ECD: variants seen among roughly 807,000 people sequenced by gnomAD.
The protein encoded by ECD is ecdysoneless cell cycle regulator, also known as protein ecdysoneless homolog.
Under a neutral mutation model 77.2 loss-of-function variants are expected in ECD, and 59 were observed. The observed-to-expected ratio is 0.76, with a 90% confidence interval of 0.62 to 0.95. The LOEUF (loss-of-function observed/expected upper bound fraction) is 0.95. Among genes scored for constraint, ECD ranks in the 40% least tolerant of loss-of-function variants. The pLI, the probability that ECD is intolerant of heterozygous loss-of-function variation, is 0.00. For synonymous variants in ECD, 233 were observed against 267.4 expected, an observed-to-expected ratio of 0.87 and a Z score of 1.26; for missense variants, 704 against 763.4, an observed-to-expected ratio of 0.92 and a Z score of 0.92.
chr10:73,138,114 A>G, intron 11 of ECD, 44 bp from the exon 12 acceptor site: 1 of 1,405,076 alleles, frequency 7.1e-7, no homozygotes, highest in South Asian at 1.6e-5. Context: ...TTCTAAATAC[A>G]ACTCTTTGAA....
chr10:73,152,353 T>A lies in ECD; in HGVS notation c.852A>T (p.Gly284=), dbSNP rs1232053856. The change falls in exon 7 of 14, where the codon GGA becomes GGT. Residue 284 remains glycine, a synonymous_variant. Coordinates refer to ENST00000372979, the MANE Select transcript of ECD (RefSeq NM_007265.3). ...QQRFVPDRRS[G]YRLPPPSDPQ... ...GATCAGATGGAGGAGGCAGCCTGTATCCACTCCGCCGGTCTGGCACAAACC... is the reference window on the plus strand; with the variant it reads ...GATCAGATGGAGGAGGCAGCCTGTAACCACTCCGCCGGTCTGGCACAAACC... 3.1e-6 allele frequency: 5 copies of A among 1,613,988 alleles called. No homozygotes were observed. The highest frequency in any genetic ancestry group is 4.2e-6 in the Non-Finnish European group (5 of 1,179,896).
intron 1 of ECD, among the ~76,000 whole-genome samples, chr10:73,164,483 T>C (rs1473657134): frequency 6.6e-6 from 1 of 152,210 alleles, no homozygotes; most frequent in Non-Finnish European, 1.5e-5. Flanking sequence ...ATTTATTTAT[T>C]TGAGATGGAG....
rs937442914 is a variant in ECD, at chr10:73,136,982, A to T, written c.1490-64T>A. On this transcript the variant is annotated intron_variant, in intron 12 of 13. Transcript: ENST00000372979. The stretch of plus-strand genomic sequence containing the variant: ...TATTATTATTATTATTATTATTATT[A>T]TTATTTAGTTACTACACATCTCAAA... 1.1e-3 allele frequency: 694 copies of T among 648,734 alleles called. 10 individuals are homozygous for T. The highest frequency in any genetic ancestry group is 1.3e-3 in the Non-Finnish European group (652 of 521,022). 40.2% of individuals were successfully genotyped at this position (648,734 alleles called of 1,614,324 possible).
At chr10:73,137,580 C>A (rs1425486032) in intron 12 of ECD, among the ~76,000 whole-genome samples, 1 of 152,048 alleles carries the variant, frequency 6.6e-6, no homozygotes, top group African/African-American at 2.4e-5. Context: ...TCGAGACCAT[C>A]CTGGCTAACA....
chr10:73,139,760 G>A (rs1196491888), intron 9 of ECD, 23 bp from the exon 10 acceptor site: 3 of 1,471,302 alleles, frequency 2.0e-6, no homozygotes, highest in South Asian at 1.2e-5. Flanking sequence ...AAAAACATGA[G>A]TATTTCTTCA....
At chr10:73,164,525 C>T (rs959147652) in intron 1 of ECD, among the ~76,000 whole-genome samples, 4 of 151,846 alleles carry the variant, frequency 2.6e-5, no homozygotes, top group Non-Finnish European at 1.5e-5. Flanking sequence ...TGGAGTGCAG[C>T]GGCATGATCA....
intron 9 of ECD, among the ~76,000 whole-genome samples, chr10:73,144,686 TTACTC>T (rs1386050967): frequency 2.0e-5 from 3 of 152,102 alleles, no homozygotes; most frequent in African/African-American, 4.8e-5. Context: ...TACTTTCACT[TTACTC>T]TATGGACTTG....
At chr10:73,155,217 C>T (rs1843279931) in intron 5 of ECD, among the ~76,000 whole-genome samples, 1 of 151,896 alleles carries the variant, frequency 6.6e-6, no homozygotes. Flanking sequence ...CAGGGGCCTG[C>T]CACCACGCCC....
At chr10:73,165,246 T>G (rs1046053517) in intron 1 of ECD, among the ~76,000 whole-genome samples, 1 of 152,234 alleles carries the variant, frequency 6.6e-6, no homozygotes, top group Admixed American at 6.5e-5. Context: ...AATTCAGAAC[T>G]ACAAAACATT....
chr10:73,154,307 T>G lies in ECD; in HGVS notation c.732A>C (p.Arg244=). The G allele has an allele frequency of 1.2e-6, 2 of 1,613,522 alleles. No individual in the cohort carries two copies. The highest frequency in any genetic ancestry group is 1.7e-6 in the Non-Finnish European group (2 of 1,179,806). ...AGAATGTCTTGAAAACACGACAAGC[T>G]CGCAGGTCAATAGGGTCTCGTAGGT... ...AFYLRDPIDL[R]ACRVFKTFLP... is the part of the protein sequence containing the mutation. Residue 244 remains arginine, a synonymous_variant, in exon 6 of 14, where the codon CGA becomes CGC. Transcript: ENST00000372979.
At chr10:73,156,922 A>C (rs984878741) in intron 3 of ECD, among the ~76,000 whole-genome samples, 1 of 152,232 alleles carries the variant, frequency 6.6e-6, no homozygotes, top group African/African-American at 2.4e-5. Context: ...AAATATGAAA[A>C]TATACGAAAG....
At chr10:73,157,457 G>A (rs1047910657) in intron 3 of ECD, among the ~76,000 whole-genome samples, 1 of 151,290 alleles carries the variant, frequency 6.6e-6, no homozygotes, top group African/African-American at 2.4e-5. Flanking sequence ...AGTGGCTCAC[G>A]CCTGTAATCC....
chr10:73,141,960 T>C (rs1326645497), intron 9 of ECD, among the ~76,000 whole-genome samples: 1 of 152,162 alleles, frequency 6.6e-6, no homozygotes, highest in Non-Finnish European at 1.5e-5. Flanking sequence ...ATAGTTTCTT[T>C]TTTTTCTTTT....
chr10:73,152,461 A>C, intron 6 of ECD, 40 bp from the exon 7 acceptor site: 2 of 1,594,234 alleles, frequency 1.3e-6, no homozygotes, highest in Non-Finnish European at 8.6e-7. Context: ...CTTTTCCTGA[A>C]ATTAAGATTG....
At chr10:73,153,659 G>A (rs1843247670) in intron 6 of ECD, among the ~76,000 whole-genome samples, 1 of 145,588 alleles carries the variant, frequency 6.9e-6, no homozygotes, top group Non-Finnish European at 1.5e-5. Context: ...CCAGGAAGCA[G>A]AGGTTGCAGT....
intron 9 of ECD, among the ~76,000 whole-genome samples, chr10:73,144,200 A>T (rs949568760): frequency 6.6e-6 from 1 of 152,204 alleles, no homozygotes; most frequent in Non-Finnish European, 1.5e-5. Flanking sequence ...ACTGCAATTC[A>T]TTTATCCATT....
In ECD at chr10:73,138,758, G is replaced by A. The variant is rs142554929; in HGVS notation, c.1421+551C>T. ...ATTTTTGTATTTTTAGTAGAGATAG[G>A]GTTTCACCATGCTGGCCAGGCTGGT... On this transcript the variant is annotated intron_variant, in intron 11 of 13. Coordinates refer to ENST00000372979, the MANE Select transcript of ECD (RefSeq NM_007265.3). Among the ~76,000 whole-genome samples, 559 of 152,150 alleles carry A rather than the reference G, an allele frequency of 3.7e-3. 13 individuals carry two copies. Among genetic ancestry groups the A allele is most frequent in the Non-Finnish European group, 9.3e-4 (63 of 68,004 alleles).
In ECD at chr10:73,139,742, GA is replaced by G; in HGVS notation, c.1128-6del. On this transcript the variant is annotated splice_polypyrimidine_tract_variant and splice_region_variant and intron_variant, in intron 9 of 13. Coordinates refer to ENST00000372979, the MANE Select transcript of ECD (RefSeq NM_007265.3). ...CCAGGGCTCATAGCAAGAGAACTAT[GA>G]AAAATAAAAAACATGAGTATTTCTT... 6.4e-7 allele frequency: 1 copy of G among 1,558,638 alleles called. No individual in the cohort carries two copies.
intron 11 of ECD, 112 bp downstream of exon 11, chr10:73,139,197 G>C: frequency 9.7e-7 from 1 of 1,031,060 alleles, no homozygotes. Context: ...AAGAAAGCAA[G>C]CAGTACAACT....
Sources: allele counts gnomAD v4.1 joint callset (sites outside exome capture counted in the v4.1 genomes callset), GRCh38; gene constraint gnomAD v4.1.1; transcripts MANE v1.5; gene names NCBI Gene and HGNC (gene_info 2026-07-23, HGNC 2026-07-21).